GATAD2A: variants seen among roughly 807,000 people sequenced by gnomAD.
The protein encoded by GATAD2A is GATA zinc finger domain containing 2A.
In GATAD2A, 12 loss-of-function variants were observed where a neutral mutation model predicts 68.5. The ratio of observed to expected loss-of-function variants is 0.18; its 90% CI spans 0.11 to 0.28. The LOEUF is 0.28. Ranked by LOEUF, GATAD2A falls within the 10% of genes least tolerant of loss-of-function variation. The probability of loss-of-function intolerance (pLI) is 1.00; values close to 1 mark genes in which losing one functional copy is unlikely to be tolerated. For synonymous variants in GATAD2A, 410 were observed against 375.3 expected, an observed-to-expected ratio of 1.09 and a Z score of -1.07; for missense variants, 755 against 868.5, an observed-to-expected ratio of 0.87 and a Z score of 1.64.
At chr19:19,496,685 C>T (rs2060175199) in intron 7 of GATAD2A, among the ~76,000 whole-genome samples, 1 of 152,224 alleles carries the variant, frequency 6.6e-6, no homozygotes. Context: ...ACCAGGTGCG[C>T]CTATTCTTAG....
chr19:19,434,724 G>T (rs1322829690), intron 1 of GATAD2A, among the ~76,000 whole-genome samples: 1 of 152,142 alleles, frequency 6.6e-6, no homozygotes, highest in East Asian at 1.9e-4. Flanking sequence ...GATACAAACC[G>T]GAAGTGGAAG....
intron 1 of GATAD2A, among the ~76,000 whole-genome samples, chr19:19,415,280 G>A (rs1353754754): frequency 6.6e-6 from 1 of 151,810 alleles, no homozygotes; most frequent in Non-Finnish European, 1.5e-5. Context: ...AGCTTCCCGA[G>A]TAGCTGGGAT....
intron 1 of GATAD2A, among the ~76,000 whole-genome samples, chr19:19,411,961 G>T (rs1298170825): frequency 6.6e-6 from 1 of 152,030 alleles, no homozygotes; most frequent in Non-Finnish European, 1.5e-5. Context: ...GGTCAAGGCC[G>T]GGCGCGGCAG....
At chr19:19,440,986 T>TTTCCTTCCCTTCCTTCCC (rs368587567) in intron 1 of GATAD2A, among the ~76,000 whole-genome samples, 88 of 73,820 alleles carry the variant, frequency 1.2e-3, no homozygotes, top group South Asian at 1.8e-3. Context: ...CTTTCCTTCC[T>TTTCCTTCCCTTCCTTCCC]TTCCTTCCCT....
intron 2 of GATAD2A, among the ~76,000 whole-genome samples, chr19:19,477,756 G>A (rs57570254): frequency 0.022 from 3,350 of 152,212 alleles, 113 homozygotes; most frequent in African/African-American, 0.076. Context: ...GCATTTGGAC[G>A]GGAGAGAGGT....
At position 19,498,620 on chromosome 19, in the gene GATAD2A, C is replaced by A; in HGVS notation, c.1102C>A (p.Pro368Thr). 2 of 1,613,180 alleles carry A rather than the reference C, an allele frequency of 1.2e-6. No homozygotes were observed. Among genetic ancestry groups the A allele is most frequent in the Non-Finnish European group, 1.7e-6 (2 of 1,179,368 alleles). The stretch of plus-strand genomic sequence containing the variant: ...GCTACTCGAGATCCCCCCACCCAAG[C>A]CCCCAGCCCCAGAGATGAACTTCCT... ...KTLLEIPPPK[P>T]PAPEMNFLPS... Residue 368 changes from proline to threonine, a missense_variant, in exon 8 of 12, where the codon CCC becomes ACC. Coordinates refer to ENST00000683918, the MANE Select transcript of GATAD2A (RefSeq NM_001384528.1).
At chr19:19,466,373 C>G (rs748308707) in intron 2 of GATAD2A, among the ~76,000 whole-genome samples, 3 of 152,212 alleles carry the variant, frequency 2.0e-5, no homozygotes, top group Non-Finnish European at 2.9e-5. Context: ...CCACTGAGGG[C>G]TGTGGTGTGG....
chr19:19,475,190 C>T (rs894718748), intron 2 of GATAD2A, among the ~76,000 whole-genome samples: 3 of 152,236 alleles, frequency 2.0e-5, no homozygotes, highest in Non-Finnish European at 2.9e-5. Flanking sequence ...CAGGAATGCA[C>T]GTCCTTGAAT....
chr19:19,440,800 C>G (rs996788784), intron 1 of GATAD2A, among the ~76,000 whole-genome samples: 6 of 152,202 alleles, frequency 3.9e-5, no homozygotes, highest in Admixed American at 3.9e-4. Flanking sequence ...GTGACTTAAC[C>G]TCTCAGAACT....
At chr19:19,501,003 T>C in intron 8 of GATAD2A, 115 bp from the exon 9 acceptor site, 2 of 912,208 alleles carry the variant, frequency 2.2e-6, no homozygotes, top group Non-Finnish European at 1.7e-6. Context: ...CAGTAGGCAT[T>C]TGCAGAACGG....
At chr19:19,395,816 T>C (rs2049197682) in intron 1 of GATAD2A, among the ~76,000 whole-genome samples, 1 of 152,174 alleles carries the variant, frequency 6.6e-6, no homozygotes, top group African/African-American at 2.4e-5. Context: ...ATAGAAACTT[T>C]AGAGCCAAAA....
chr19:19,413,170 G>A (rs1391804396), intron 1 of GATAD2A, among the ~76,000 whole-genome samples: 1 of 152,208 alleles, frequency 6.6e-6, no homozygotes, highest in African/African-American at 2.4e-5. Flanking sequence ...TGGTGGTAGT[G>A]ACAGCAGATT....
Position 19,505,714 on chromosome 19 carries a change from G to T in GATAD2A, c.*240G>T. ...TCATCGCTGGGGGACCTTTCCCGTG[G>T]GCTTTCTTCCTTTCTCTCTTTGCCT... is the stretch of plus-strand genomic sequence containing the variant. On this transcript the variant is annotated 3_prime_UTR_variant, in exon 12 of 12. Coordinates refer to ENST00000683918, the MANE Select transcript of GATAD2A (RefSeq NM_001384528.1). The T allele has an allele frequency of 4.2e-6, 2 of 473,176 alleles. No homozygotes were observed. The highest frequency in any genetic ancestry group is 7.4e-6 in the Non-Finnish European group (2 of 271,116). 29.3% of individuals were successfully genotyped at this position (473,176 alleles called of 1,614,324 possible). A position where few individuals can be genotyped will look rare whatever the true frequency, so the allele number is the denominator to read the frequency against.
chr19:19,476,101 T>C (rs974866578), intron 2 of GATAD2A, among the ~76,000 whole-genome samples: 7 of 152,172 alleles, frequency 4.6e-5, no homozygotes, highest in Non-Finnish European at 8.8e-5. Context: ...AACTTTGAAA[T>C]GGGGCTTCTC....
At chr19:19,480,485 C>G (rs1350358194) in intron 2 of GATAD2A, among the ~76,000 whole-genome samples, 1 of 152,206 alleles carries the variant, frequency 6.6e-6, no homozygotes, top group South Asian at 2.1e-4. Flanking sequence ...CATGAAGCAC[C>G]AGGCTTTGCA....
intron 2 of GATAD2A, among the ~76,000 whole-genome samples, chr19:19,480,527 C>T (rs925652938): frequency 4.6e-5 from 7 of 152,254 alleles, no homozygotes; most frequent in Non-Finnish European, 4.4e-5. Flanking sequence ...CTCTTCATGG[C>T]GCCATTCCAC....
At chr19:19,475,386 A>C (rs1449440912) in intron 2 of GATAD2A, among the ~76,000 whole-genome samples, 1 of 152,168 alleles carries the variant, frequency 6.6e-6, no homozygotes, top group Non-Finnish European at 1.5e-5. Context: ...CCACAGCAAG[A>C]AGCCATTTTC....
At chr19:19,447,226 G>T (rs1472439778) in intron 1 of GATAD2A, among the ~76,000 whole-genome samples, 1 of 152,170 alleles carries the variant, frequency 6.6e-6, no homozygotes, top group Admixed American at 6.5e-5. Flanking sequence ...AGACCTGGGG[G>T]AGTGGAGATG....
At position 19,498,565 on chromosome 19, in the gene GATAD2A, G is replaced by A. The variant is rs2060303722; in HGVS notation, c.1047G>A (p.Lys349=). 5 of 1,613,948 alleles carry A rather than the reference G, an allele frequency of 3.1e-6. No individual in the cohort carries two copies. The highest frequency in any genetic ancestry group is 4.2e-6 in the Non-Finnish European group (5 of 1,180,030). Residue 349 remains lysine (K), a synonymous_variant, in exon 8 of 12, where the codon AAG becomes AAA. Coordinates refer to ENST00000683918, the MANE Select transcript of GATAD2A (RefSeq NM_001384528.1). Reference sequence around the variant, plus strand: ...CAGCAAGCCGACAGGCGGCCGCCAAGCTGGCGCTGCGCAAACAGCTGGAGA... The same window carrying A: ...CAGCAAGCCGACAGGCGGCCGCCAAACTGGCGCTGCGCAAACAGCTGGAGA... The part of the protein sequence containing the change: ...ESPASRQAAA[K]LALRKQLEKT...
Sources: gnomAD v4.1 joint callset for allele counts (sites outside exome capture counted in the v4.1 genomes callset) on GRCh38, gnomAD v4.1.1 for gene constraint, MANE v1.5 for transcripts, NCBI Gene and HGNC (gene_info 2026-07-23, HGNC 2026-07-21) for gene names.